SKIC3: variants seen among roughly 807,000 people sequenced by gnomAD.
The protein encoded by SKIC3 is superkiller complex protein 3.
the SKIC3 span, chr5:95,523,745 A>G: frequency 6.2e-7 from 1 of 1,613,680 alleles, no homozygotes; most frequent in Non-Finnish European, 8.5e-7. Flanking sequence ...TATAACATCC[A>G]CGAGCTCTGT....
the SKIC3 span, chr5:95,547,273 A>G: frequency 1.3e-6 from 1 of 787,150 alleles, no homozygotes. Context: ...TCTCTGGAAC[A>G]GTCTTCCCTC....
At chr5:95,514,750 G>T in the SKIC3 span, 2 of 1,170,982 alleles carry the variant, frequency 1.7e-6, no homozygotes, top group Non-Finnish European at 2.5e-6. Flanking sequence ...CTGGCACAAA[G>T]TAAGCCCTCA....
chr5:95,466,851 C>G, the SKIC3 span, among the ~76,000 whole-genome samples: 1 of 152,136 alleles, frequency 6.6e-6, no homozygotes, highest in Non-Finnish European at 1.5e-5. Flanking sequence ...TTCATTCTTA[C>G]GGCTTTTTCT....
chr5:95,515,480 T>C, the SKIC3 span, among the ~76,000 whole-genome samples: 3 of 152,176 alleles, frequency 2.0e-5, no homozygotes, highest in African/African-American at 7.2e-5. Context: ...CATACTGCTT[T>C]ATACTATTTT....
the SKIC3 span, among the ~76,000 whole-genome samples, chr5:95,493,419 A>C: frequency 6.6e-6 from 1 of 152,196 alleles, no homozygotes; most frequent in East Asian, 1.9e-4. Flanking sequence ...ATCAAAGGCT[A>C]ATAGATCTTT....
the SKIC3 span, chr5:95,523,753 T>C: frequency 6.2e-7 from 1 of 1,613,750 alleles, no homozygotes; most frequent in Non-Finnish European, 8.5e-7. Context: ...CCACGAGCTC[T>C]GTTTTTATCT....
chr5:95,550,111 C>T, the SKIC3 span, among the ~76,000 whole-genome samples: 6 of 151,972 alleles, frequency 3.9e-5, no homozygotes, highest in Non-Finnish European at 8.8e-5. Context: ...TCATTTTGTA[C>T]GTTTTCACTC....
chr5:95,540,545 G>T, the SKIC3 span: 2 of 982,384 alleles, frequency 2.0e-6, no homozygotes, highest in Non-Finnish European at 1.5e-6. Context: ...AAAATATACA[G>T]GTGCAAATGA....
chr5:95,536,657 T>G, the SKIC3 span: 1 of 653,232 alleles, frequency 1.5e-6, no homozygotes, highest in African/African-American at 1.8e-5. Context: ...TTATTAGTCT[T>G]TTCATATACA....
the SKIC3 span, chr5:95,514,779 T>C: frequency 2.0e-5 from 29 of 1,477,498 alleles, no homozygotes; most frequent in Admixed American, 5.3e-5. Context: ...CCGTTACCAT[T>C]ATTATCACTG....
the SKIC3 span, chr5:95,525,489 G>A: frequency 1.2e-6 from 2 of 1,613,904 alleles, no homozygotes; most frequent in East Asian, 2.2e-5. Flanking sequence ...GAAGAGAGAA[G>A]GTCTTCCATA....
At chr5:95,474,095 G>A in the SKIC3 span, among the ~76,000 whole-genome samples, 1 of 152,162 alleles carries the variant, frequency 6.6e-6, no homozygotes, top group African/African-American at 2.4e-5. Flanking sequence ...TATGCTGAAA[G>A]GTAAGGGTCT....
the SKIC3 span, among the ~76,000 whole-genome samples, chr5:95,505,580 A>G: frequency 5.3e-5 from 8 of 152,204 alleles, no homozygotes; most frequent in African/African-American, 1.4e-4. Context: ...TTGGGAGGCC[A>G]AGGCGGGCGA....
At chr5:95,522,106 A>G in the SKIC3 span, 1 of 1,613,758 alleles carries the variant, frequency 6.2e-7, no homozygotes, top group Non-Finnish European at 8.5e-7. Flanking sequence ...TCTGGTATTG[A>G]GCTACAGCCT....
the SKIC3 span, among the ~76,000 whole-genome samples, chr5:95,490,397 AATAT>A: frequency 1.4e-5 from 2 of 147,136 alleles, no homozygotes; most frequent in Admixed American, 1.4e-4. Flanking sequence ...ATTTTTAATG[AATAT>A]ATATATATAC....
At chr5:95,479,374 T>A in the SKIC3 span, among the ~76,000 whole-genome samples, 1 of 152,162 alleles carries the variant, frequency 6.6e-6, no homozygotes, top group Non-Finnish European at 1.5e-5. Flanking sequence ...AGTAGAGTAT[T>A]ACTTTGTCAA....
At chr5:95,527,493 T>C in the SKIC3 span, among the ~76,000 whole-genome samples, 2 of 152,330 alleles carry the variant, frequency 1.3e-5, no homozygotes, top group African/African-American at 4.8e-5. Flanking sequence ...CAAAAATCTT[T>C]AGGGCATAAT....
the SKIC3 span, among the ~76,000 whole-genome samples, chr5:95,499,424 C>A: frequency 6.6e-6 from 1 of 152,160 alleles, no homozygotes; most frequent in East Asian, 1.9e-4. Context: ...GAGGCCGCCC[C>A]AGAAGCAATG....
the SKIC3 span, chr5:95,498,485 T>G: frequency 3.7e-6 from 6 of 1,614,094 alleles, no homozygotes; most frequent in Non-Finnish European, 5.1e-6. Context: ...TTGATGTGCT[T>G]CAGTAACTCA....
Sources: gnomAD v4.1 joint callset for allele counts (sites outside exome capture counted in the v4.1 genomes callset) on GRCh38, gnomAD v4.1.1 for gene constraint, MANE v1.5 for transcripts, NCBI Gene and HGNC (gene_info 2026-07-23, HGNC 2026-07-21) for gene names.